Variants in CAMTA1 observed in about 807,000 individuals in gnomAD.
CAMTA1 encodes calmodulin-binding transcription activator 1.
CAMTA1 carries 27 observed loss-of-function variants against 170.9 expected under a neutral mutation model. That is an observed-to-expected ratio of 0.16 (90% CI 0.12 to 0.22). The LOEUF (loss-of-function observed/expected upper bound fraction) is 0.22, where lower values mean the gene tolerates loss of function less well. CAMTA1 is among the 10% of genes least tolerant of loss of function. The pLI is 1.00. For missense variants in CAMTA1, 1,619 were observed against 2,217.2 expected (o/e 0.73, Z 5.42); for synonymous variants, 833 against 891.5 (o/e 0.93, Z 1.17).
At chr1:6,879,640 T>C (rs1222858432) in intron 3 of CAMTA1, among the ~76,000 whole-genome samples, 2 of 143,988 alleles carry the variant, frequency 1.4e-5, no homozygotes, top group African/African-American at 2.5e-5. Context: ...TGAGACAAGG[T>C]TCTTGCTCTG....
intron 4 of CAMTA1, among the ~76,000 whole-genome samples, chr1:7,104,214 T>C (rs937639890): frequency 2.7e-5 from 4 of 149,558 alleles, no homozygotes; most frequent in Non-Finnish European, 5.9e-5. Context: ...TACACACATG[T>C]ACACACAACA....
At chr1:7,381,897 G>C (rs1414858024) in intron 5 of CAMTA1, among the ~76,000 whole-genome samples, 17 of 152,022 alleles carry the variant, frequency 1.1e-4, no homozygotes, top group African/African-American at 4.1e-4. Context: ...GCATTTCTCT[G>C]ATGGCCAGTG....
chr1:6,902,079 A>AAAAAGAAAAAAT (rs796874602), intron 3 of CAMTA1, among the ~76,000 whole-genome samples: 12 of 75,272 alleles, frequency 1.6e-4, no homozygotes, highest in African/African-American at 4.5e-4. Context: ...ACACAAAAAA[A>AAAAAGAAAAAAT]AAAATAAAAA....
At chr1:7,397,300 A>C (rs904962072) in intron 5 of CAMTA1, among the ~76,000 whole-genome samples, 1 of 151,964 alleles carries the variant, frequency 6.6e-6, no homozygotes, top group Non-Finnish European at 1.5e-5. Flanking sequence ...ATAGTCTCTT[A>C]TGATCCTTTG....
At chr1:7,611,540 C>T (rs896063922) in intron 6 of CAMTA1, among the ~76,000 whole-genome samples, 5 of 152,152 alleles carry the variant, frequency 3.3e-5, no homozygotes, top group African/African-American at 9.7e-5. Context: ...GAGCCTGACC[C>T]GGGTGGGTGT....
intron 3 of CAMTA1, among the ~76,000 whole-genome samples, chr1:7,013,894 C>G (rs1700168780): frequency 6.6e-6 from 1 of 152,226 alleles, no homozygotes; most frequent in Non-Finnish European, 1.5e-5. Flanking sequence ...TTCTTCAACC[C>G]CAACGACAAG....
intron 6 of CAMTA1, among the ~76,000 whole-genome samples, chr1:7,579,559 T>TC (rs2150384906): frequency 8.6e-6 from 1 of 116,184 alleles, no homozygotes; most frequent in South Asian, 2.7e-4. Context: ...TTTCTTTTTT[T>TC]TTTTTTTTTT....
At chr1:7,167,843 G>A (rs1648795567) in intron 4 of CAMTA1, among the ~76,000 whole-genome samples, 1 of 152,056 alleles carries the variant, frequency 6.6e-6, no homozygotes, top group Admixed American at 6.6e-5. Context: ...CGAATTCCTA[G>A]CCTCAAGTGA....
chr1:7,482,540 C>T lies in CAMTA1; in HGVS notation c.510+14639C>T, dbSNP rs2093555108. Among the ~76,000 whole-genome samples the T allele has an allele frequency of 6.6e-6, 1 of 152,174 alleles. No homozygotes were observed. The highest frequency in any genetic ancestry group is 2.4e-5 in the African/African-American group (1 of 41,454). The stretch of plus-strand genomic sequence containing the variant: ...GGAGAAGACATGCTCTTTAGAGATA[C>T]AGTTTAAACTGGCCTTAGCTTGGGC... On this transcript the variant is annotated intron_variant, in intron 6 of 22. Coordinates refer to ENST00000303635, the MANE Select transcript of CAMTA1 (RefSeq NM_015215.4). The surrounding 1 kb of genome is among the most constrained non-coding windows in gnomAD (Gnocchi z 4.2).
At chr1:6,922,924 C>T (rs905235445) in intron 3 of CAMTA1, among the ~76,000 whole-genome samples, 1 of 152,192 alleles carries the variant, frequency 6.6e-6, no homozygotes, top group Admixed American at 6.5e-5. Context: ...TGGAGGATCA[C>T]TCCGGTGACG....
intron 3 of CAMTA1, among the ~76,000 whole-genome samples, chr1:6,831,257 G>T (rs1247740728): frequency 6.6e-6 from 1 of 152,222 alleles, no homozygotes; most frequent in Non-Finnish European, 1.5e-5. Context: ...GAGAAAGAAT[G>T]TATTAAACAC....
intron 3 of CAMTA1, among the ~76,000 whole-genome samples, chr1:7,043,314 A>C (rs970017899): frequency 1.3e-5 from 2 of 152,158 alleles, no homozygotes; most frequent in African/African-American, 4.8e-5. Context: ...TTCTTAGGTT[A>C]ATTAGGCTTG....
At chr1:7,447,708 G>A (rs1377332362) in intron 5 of CAMTA1, among the ~76,000 whole-genome samples, 10 of 152,088 alleles carry the variant, frequency 6.6e-5, no homozygotes, top group African/African-American at 1.4e-4. Flanking sequence ...TCGTCCACCC[G>A]AGTGCTTTCA....
intron 5 of CAMTA1, among the ~76,000 whole-genome samples, chr1:7,262,440 T>C (rs1258271604): frequency 2.0e-5 from 3 of 152,156 alleles, no homozygotes; most frequent in Admixed American, 6.5e-5. Context: ...CGCAAGCCTG[T>C]AATCCCAGCT....
At chr1:7,121,515 T>C (rs1644640069) in intron 4 of CAMTA1, among the ~76,000 whole-genome samples, 1 of 152,190 alleles carries the variant, frequency 6.6e-6, no homozygotes, top group Non-Finnish European at 1.5e-5. Flanking sequence ...CTTGCGGTCA[T>C]GGGTGAAGTG....
At chr1:6,844,690 C>CAA (rs1180942073) in intron 3 of CAMTA1, among the ~76,000 whole-genome samples, 713 of 51,490 alleles carry the variant, frequency 0.014, 5 homozygotes, top group Non-Finnish European at 0.015. Context: ...ACCCTGTGTC[C>CAA]AAAAAAAAAA....
intron 5 of CAMTA1, among the ~76,000 whole-genome samples, chr1:7,319,604 A>G (rs1013861493): frequency 1.7e-4 from 26 of 152,320 alleles, no homozygotes; most frequent in South Asian, 8.3e-4. Flanking sequence ...ATGGCAGTGC[A>G]AGAATGGACT....
intron 3 of CAMTA1, among the ~76,000 whole-genome samples, chr1:6,959,490 G>A (rs1331832046): frequency 7.4e-6 from 1 of 134,908 alleles, no homozygotes; most frequent in Non-Finnish European, 1.6e-5. Context: ...GCCTACCGGT[G>A]TACCGGGTCC....
chr1:6,999,376 C>T (rs147268137), intron 3 of CAMTA1, among the ~76,000 whole-genome samples: 258 of 152,196 alleles, frequency 1.7e-3, no homozygotes, highest in South Asian at 5.4e-3. Context: ...GGAGAGGCCT[C>T]GGGGAGCATT....
Sources: allele counts gnomAD v4.1 joint callset (sites outside exome capture counted in the v4.1 genomes callset), GRCh38; gene constraint gnomAD v4.1.1; non-coding constraint Gnocchi (gnomAD v3.1); transcripts MANE v1.5; gene names NCBI Gene and HGNC (gene_info 2026-07-23, HGNC 2026-07-21).